Variants in ZFAND3 observed in about 807,000 individuals in gnomAD.
ZFAND3 encodes the protein AN1-type zinc finger protein 3.
Under a neutral mutation model 29.6 loss-of-function variants are expected in ZFAND3, and 10 were observed. The observed-to-expected ratio is 0.34, with a 90% CI of 0.21 to 0.57. The LOEUF (loss-of-function observed/expected upper bound fraction) is 0.57, where lower values mean the gene tolerates loss of function less well. Ranked by LOEUF, ZFAND3 falls within the 20% of genes least tolerant of loss-of-function variation. ZFAND3 has a pLI of 0.86. For synonymous variants in ZFAND3, 128 were observed against 112.6 expected, an observed-to-expected ratio of 1.14 and a Z score of -0.87; for missense variants, 230 against 304.5, an observed-to-expected ratio of 0.76 and a Z score of 1.82.
intron 1 of ZFAND3, among the ~76,000 whole-genome samples, chr6:37,840,097 TTATC>T (rs1764044666): frequency 6.6e-6 from 1 of 151,842 alleles, no homozygotes; most frequent in African/African-American, 2.4e-5. Flanking sequence ...TTTAAGTTGG[TTATC>T]TATTTTTTTT....
chr6:37,854,964 G>GTTTTTTTTTTTTTTTTTTTTTTTTT (rs34283914), intron 1 of ZFAND3, among the ~76,000 whole-genome samples: 5 of 78,938 alleles, frequency 6.3e-5, no homozygotes, highest in Non-Finnish European at 9.9e-5. Context: ...AATAATAGGT[G>GTTTTTTTTTTTTTTTTTTTTTTTTT]TTTTTTTTTT....
At chr6:37,836,843 A>T (rs1426967808) in intron 1 of ZFAND3, among the ~76,000 whole-genome samples, 1 of 152,198 alleles carries the variant, frequency 6.6e-6, no homozygotes, top group Non-Finnish European at 1.5e-5. Flanking sequence ...TCTGGCAGAC[A>T]AGATTGCGTT....
At chr6:37,880,594 A>G (rs1328542904) in intron 1 of ZFAND3, among the ~76,000 whole-genome samples, 2 of 152,166 alleles carry the variant, frequency 1.3e-5, no homozygotes, top group Non-Finnish European at 2.9e-5. Context: ...AAGGTTTGAG[A>G]AAACAGTGCC....
intron 2 of ZFAND3, among the ~76,000 whole-genome samples, chr6:37,984,847 A>G (rs1308836450): frequency 1.3e-5 from 2 of 152,220 alleles, no homozygotes; most frequent in Non-Finnish European, 2.9e-5. Context: ...TTTTGAGACT[A>G]TGGAAGCCTA....
chr6:37,987,465 G>A (rs1762690181), intron 2 of ZFAND3, among the ~76,000 whole-genome samples: 2 of 152,148 alleles, frequency 1.3e-5, no homozygotes, highest in African/African-American at 4.8e-5. Flanking sequence ...TTCTGATAAA[G>A]ATGATGATAC....
At chr6:38,064,666 C>CTTTTT (rs35827782) in intron 3 of ZFAND3, among the ~76,000 whole-genome samples, 3 of 115,938 alleles carry the variant, frequency 2.6e-5, no homozygotes, top group Admixed American at 8.9e-5. Flanking sequence ...CTGCTATGGG[C>CTTTTT]TTTTTTTTTT....
intron 1 of ZFAND3, among the ~76,000 whole-genome samples, chr6:37,920,215 T>C (rs1263430817): frequency 2.0e-5 from 3 of 152,106 alleles, no homozygotes; most frequent in African/African-American, 7.2e-5. Context: ...AGTGGGACAG[T>C]TGCAATCATT....
chr6:38,078,645 A>T (rs927847070), intron 3 of ZFAND3, among the ~76,000 whole-genome samples: 4 of 152,224 alleles, frequency 2.6e-5, no homozygotes, highest in Admixed American at 2.0e-4. Context: ...GTTGCCACTG[A>T]TACAGGCTAG....
At chr6:38,060,989 C>A (rs1471437462) in intron 2 of ZFAND3, among the ~76,000 whole-genome samples, 1 of 152,066 alleles carries the variant, frequency 6.6e-6, no homozygotes, top group Non-Finnish European at 1.5e-5. Flanking sequence ...TGCAAGTGGA[C>A]CCACACGGTT....
chr6:38,144,184 A>ATATATATAT (rs66561715), intron 5 of ZFAND3, among the ~76,000 whole-genome samples: 2 of 42,554 alleles, frequency 4.7e-5, no homozygotes, highest in African/African-American at 1.0e-4. Flanking sequence ...ATATATATAT[A>ATATATATAT]ATATATATAT....
intron 2 of ZFAND3, among the ~76,000 whole-genome samples, chr6:38,058,000 A>T (rs1431275672): frequency 6.6e-6 from 1 of 152,202 alleles, no homozygotes; most frequent in Non-Finnish European, 1.5e-5. Flanking sequence ...AAGAAGGTAC[A>T]CTGTGTCAAC....
At chr6:38,104,769 T>C (rs910752750) in intron 4 of ZFAND3, among the ~76,000 whole-genome samples, 1 of 152,230 alleles carries the variant, frequency 6.6e-6, no homozygotes, top group Admixed American at 6.5e-5. Flanking sequence ...GATAATTTTA[T>C]GAAATAGAGG....
chr6:38,058,336 A>G (rs773862582), intron 2 of ZFAND3, among the ~76,000 whole-genome samples: 2 of 152,202 alleles, frequency 1.3e-5, no homozygotes, highest in African/African-American at 4.8e-5. Context: ...GAGGGACACA[A>G]TGATTATTGA....
chr6:38,011,149 G>A (rs1259101407), intron 2 of ZFAND3, among the ~76,000 whole-genome samples: 2 of 152,038 alleles, frequency 1.3e-5, no homozygotes, highest in Non-Finnish European at 2.9e-5. Context: ...TTTTCATGTA[G>A]TTTGTTCCTT....
rs1208359055 is a variant in ZFAND3 at position 38,153,784 on chromosome 6, A to C, written c.*1395A>C. The C allele has an allele frequency of 3.0e-6, 3 of 985,550 alleles. No homozygotes were observed. In the African/African-American group the frequency reaches 5.2e-5, roughly 17 times the overall value. The allele number at this position is 985,550 out of a possible 1,614,324, so 61.1% of individuals were successfully genotyped here. A position where few individuals can be genotyped will look rare whatever the true frequency, so the allele number is the denominator to read the frequency against. On this transcript the variant is annotated 3_prime_UTR_variant, in exon 6 of 6. Coordinates refer to ENST00000287218, the MANE Select transcript of ZFAND3 (RefSeq NM_021943.3). ...CCTTGAAAGCCCAGGCAGGGTGAGC[A>C]GTCCCAGTGGTCCTAGTGCCGCATC... is the stretch of plus-strand genomic sequence containing the variant.
chr6:38,124,910 C>G (rs552450811), intron 5 of ZFAND3, among the ~76,000 whole-genome samples: 117 of 152,330 alleles, frequency 7.7e-4, no homozygotes, highest in African/African-American at 2.7e-3. Context: ...AAGACCCCGG[C>G]CTTTAGGAAC....
At chr6:38,067,838 T>C (rs376249164) in intron 3 of ZFAND3, among the ~76,000 whole-genome samples, 2 of 152,212 alleles carry the variant, frequency 1.3e-5, no homozygotes, top group East Asian at 1.9e-4. Context: ...GGCCTGAGCA[T>C]CCCTATTTAT....
At chr6:38,061,908 A>G (rs1764248828) in intron 3 of ZFAND3, 133 bp downstream of exon 3, 4 of 1,060,060 alleles carry the variant, frequency 3.8e-6, no homozygotes, top group Middle Eastern at 2.9e-4. Flanking sequence ...ACAAGGCCCA[A>G]GCTCAGCAAG....
intron 3 of ZFAND3, among the ~76,000 whole-genome samples, chr6:38,069,041 C>T (rs1764402598): frequency 6.6e-6 from 1 of 152,156 alleles, no homozygotes; most frequent in African/African-American, 2.4e-5. Context: ...GGCTACATAT[C>T]TTCATTTCTG....
Sources: gnomAD v4.1 joint callset for allele counts (sites outside exome capture counted in the v4.1 genomes callset) on GRCh38, gnomAD v4.1.1 for gene constraint, MANE v1.5 for transcripts, NCBI Gene and HGNC (gene_info 2026-07-23, HGNC 2026-07-21) for gene names.